The following MLIP variants were observed in gnomAD, a reference collection of about 807,000 sequenced individuals.
MLIP encodes muscular LMNA interacting protein, also known as muscular LMNA-interacting protein.
Under a neutral mutation model 84.8 loss-of-function variants are expected in MLIP, and 79 were observed. That is an observed-to-expected ratio of 0.93 (90% confidence interval 0.78 to 1.12). The LOEUF is 1.12. Ranked by LOEUF, MLIP falls within the 50% of genes most tolerant of loss-of-function variation. MLIP has a pLI of 0.00. For missense variants in MLIP, 1,257 were observed against 1,160.6 expected, an observed-to-expected ratio of 1.08 and a Z score of -1.21; for synonymous variants, 504 against 463.0, an observed-to-expected ratio of 1.09 and a Z score of -1.14.
At chr6:54,103,787 T>C (rs1322051130) in intron 1 of MLIP, among the ~76,000 whole-genome samples, 1 of 152,208 alleles carries the variant, frequency 6.6e-6, no homozygotes, top group Admixed American at 6.5e-5. Flanking sequence ...TTTCTTGGTA[T>C]GCTTATCTTT....
intron 1 of MLIP, among the ~76,000 whole-genome samples, chr6:54,082,805 A>T (rs576863027): frequency 2.6e-5 from 4 of 151,472 alleles, no homozygotes; most frequent in South Asian, 4.2e-4. Context: ...TCCTCATATA[A>T]TTTGCAAATT....
intron 1 of MLIP, among the ~76,000 whole-genome samples, chr6:54,025,074 C>T (rs1408779556): frequency 6.0e-5 from 9 of 151,220 alleles, no homozygotes; most frequent in Non-Finnish European, 1.0e-4. Context: ...GTCTCGAACT[C>T]CTGGGCTCAG....
chr6:54,210,775 A>G (rs1435323489), intron 11 of MLIP, among the ~76,000 whole-genome samples: 1 of 151,434 alleles, frequency 6.6e-6, no homozygotes, highest in Non-Finnish European at 1.5e-5. Context: ...AGGGCATCCT[A>G]AGTGGAATTT....
intron 3 of MLIP, among the ~76,000 whole-genome samples, chr6:54,133,176 A>C (rs1242142885): frequency 6.6e-6 from 1 of 152,208 alleles, no homozygotes; most frequent in Non-Finnish European, 1.5e-5. Flanking sequence ...AGTTCATGGT[A>C]GACACAAAGA....
At chr6:54,039,293 C>T (rs931474330) in intron 1 of MLIP, among the ~76,000 whole-genome samples, 3 of 151,888 alleles carry the variant, frequency 2.0e-5, no homozygotes, top group Non-Finnish European at 4.4e-5. Context: ...TTAAATCATT[C>T]TTCTCTGAAA....
At chr6:54,138,374 A>C in intron 4 of MLIP, 88 bp downstream of exon 4, 1 of 1,423,480 alleles carries the variant, frequency 7.0e-7, no homozygotes, top group Non-Finnish European at 9.2e-7. Context: ...CAATAATTAT[A>C]GTATTAATTG....
Position 54,230,797 on chromosome 6 carries a change from T to G in MLIP, c.2802T>G (p.His934Gln). The G allele has an allele frequency of 1.2e-6, 2 of 1,614,108 alleles. No individual in the cohort carries two copies. Among genetic ancestry groups the G allele is most frequent in the Non-Finnish European group, 1.7e-6 (2 of 1,179,988 alleles). ...ATCCTCCTGCTAAGTCACTGCTGCATCCACAGACCCTCTCACATGCTGACT... is the reference window on the plus strand; with the variant it reads ...ATCCTCCTGCTAAGTCACTGCTGCAGCCACAGACCCTCTCACATGCTGACT... ...KLYPPAKSLLHPQTLSHADCL... is the reference protein window; with the variant it reads ...KLYPPAKSLLQPQTLSHADCL... The change falls in exon 12 of 14, where the codon CAT (histidine) becomes CAG (glutamine). Residue 934 changes from histidine (H) to glutamine (Q), a missense_variant. His to Gln is a conservative substitution (Grantham distance 24). Transcript: ENST00000502396.
chr6:54,023,867 G>GC, intron 1 of MLIP, among the ~76,000 whole-genome samples: 1 of 152,210 alleles, frequency 6.6e-6, no homozygotes, highest in East Asian at 1.9e-4. Flanking sequence ...ACTGTGCCTG[G>GC]CCCATACCAC....
At chr6:54,226,838 A>G (rs1222282317) in intron 11 of MLIP, among the ~76,000 whole-genome samples, 1 of 152,226 alleles carries the variant, frequency 6.6e-6, no homozygotes, top group African/African-American at 2.4e-5. Flanking sequence ...GAAACAAAGA[A>G]TGCAATATAA....
At chr6:54,153,586 G>A (rs1420699146) in intron 5 of MLIP, among the ~76,000 whole-genome samples, 2 of 152,178 alleles carry the variant, frequency 1.3e-5, no homozygotes, top group East Asian at 3.9e-4. Context: ...GATGGCTCAT[G>A]CCTGTAATCC....
At chr6:54,214,398 A>G (rs1199797511) in intron 11 of MLIP, among the ~76,000 whole-genome samples, 1 of 152,190 alleles carries the variant, frequency 6.6e-6, no homozygotes, top group Non-Finnish European at 1.5e-5. Context: ...CCCCAGATTT[A>G]TCAGGGATTA....
chr6:54,122,314 T>C (rs1770526432), intron 2 of MLIP, among the ~76,000 whole-genome samples: 1 of 152,196 alleles, frequency 6.6e-6, no homozygotes, highest in Admixed American at 6.5e-5. Context: ...AACCTTACAA[T>C]ATTAGGTGAT....
chr6:54,103,998 A>C (rs1177676520), intron 1 of MLIP, among the ~76,000 whole-genome samples: 29 of 152,056 alleles, frequency 1.9e-4, no homozygotes, highest in Admixed American at 1.9e-3. Context: ...GAAGTTTAGC[A>C]CTTCTTAAAA....
At chr6:54,170,135 C>T (rs1465556196) in intron 9 of MLIP, among the ~76,000 whole-genome samples, 8 of 151,616 alleles carry the variant, frequency 5.3e-5, no homozygotes, top group Admixed American at 3.3e-4. Context: ...AGCCTCATCC[C>T]AAGGCCAGTG....
chr6:54,019,736 A>T (rs1407601925), intron 1 of MLIP, among the ~76,000 whole-genome samples: 1 of 152,194 alleles, frequency 6.6e-6, no homozygotes, highest in African/African-American at 2.4e-5. Context: ...TAGAGTTAAC[A>T]TTGGAACAGG....
chr6:54,154,357 A>G (rs1006870931), intron 5 of MLIP, among the ~76,000 whole-genome samples: 3 of 152,172 alleles, frequency 2.0e-5, no homozygotes, highest in African/African-American at 4.8e-5. Flanking sequence ...TTCTACTTCC[A>G]TGGAAAAGCT....
In MLIP at chr6:54,256,554, A is replaced by G. The variant is rs557068621; in HGVS notation, c.2923-754A>G. 2.0e-5 allele frequency among the ~76,000 whole-genome samples: 3 copies of G among 152,268 alleles called. No individual in the cohort carries two copies. In the East Asian group the frequency reaches 5.8e-4, roughly 29 times the overall value. On this transcript the variant is annotated intron_variant, in intron 12 of 13. Coordinates refer to ENST00000502396, the MANE Select transcript of MLIP (RefSeq NM_001281747.2). ...TGGTTAATACCAAAAAAGGGTAAACAGATTTCATTACAAACGTTTGCTCTC... is the reference window on the plus strand; with the variant it reads ...TGGTTAATACCAAAAAAGGGTAAACGGATTTCATTACAAACGTTTGCTCTC...
chr6:54,177,586 A>T (rs1776419973), intron 9 of MLIP, among the ~76,000 whole-genome samples: 1 of 152,216 alleles, frequency 6.6e-6, no homozygotes, highest in African/African-American at 2.4e-5. Flanking sequence ...ATGCTTTTAC[A>T]CTGTTGGTGG....
intron 1 of MLIP, among the ~76,000 whole-genome samples, chr6:54,028,158 T>C (rs1763925738): frequency 6.6e-6 from 1 of 152,206 alleles, no homozygotes; most frequent in Non-Finnish European, 1.5e-5. Flanking sequence ...ATGTTTGTAG[T>C]TCAATTGCTG....
Sources: gnomAD v4.1 joint callset for allele counts (sites outside exome capture counted in the v4.1 genomes callset) on GRCh38, gnomAD v4.1.1 for gene constraint, MANE v1.5 for transcripts, NCBI Gene and HGNC (gene_info 2026-07-23, HGNC 2026-07-21) for gene names.